Variants in ITGAV observed in about 807,000 individuals in gnomAD.
ITGAV encodes integrin subunit alpha V.
In ITGAV, 76 loss-of-function variants were observed where a neutral mutation model predicts 143.8. The observed-to-expected ratio is 0.53, with a 90% CI of 0.44 to 0.64. ITGAV has a LOEUF of 0.64. ITGAV is among the 30% of genes least tolerant of loss of function. The probability of loss-of-function intolerance (pLI) is 0.00; values close to 1 mark genes in which losing one functional copy is unlikely to be tolerated. For synonymous variants in ITGAV, 453 were observed against 446.7 expected (o/e 1.01, Z -0.18); for missense variants, 1,193 against 1,274.7 (o/e 0.94, Z 0.98).
At position 186,659,032 on chromosome 2, in the gene ITGAV, T is replaced by G. The variant is rs1325900001; in HGVS notation, c.1720-6T>G. 1 of 1,604,584 alleles carries G rather than the reference T, an allele frequency of 6.2e-7. No homozygotes were observed. The highest frequency in any genetic ancestry group is 1.1e-5 in the South Asian group (1 of 89,998). ...TATCATTAATTCAAAGCGTTTCCATTTCTAGGATGAATCTGAATTTAGAGA... is the reference window on the plus strand; with the variant it reads ...TATCATTAATTCAAAGCGTTTCCATGTCTAGGATGAATCTGAATTTAGAGA... On this transcript the variant is annotated splice_polypyrimidine_tract_variant and splice_region_variant and intron_variant, in intron 17 of 29. Coordinates refer to ENST00000261023, the MANE Select transcript of ITGAV (RefSeq NM_002210.5).
At chr2:186,644,407 C>T (rs368514332) in intron 12 of ITGAV, among the ~76,000 whole-genome samples, 1 of 151,854 alleles carries the variant, frequency 6.6e-6, no homozygotes, top group East Asian at 1.9e-4. Flanking sequence ...CTCACTGCAA[C>T]CTCCGCCTCC....
rs61765164 is a variant in ITGAV, at chr2:186,634,985, G to A, written c.632-1097G>A. Among the ~76,000 whole-genome samples, 1,469 of 151,642 alleles carry A rather than the reference G, an allele frequency of 9.7e-3. 23 individuals are homozygous for A. The highest frequency in any genetic ancestry group is 0.034 in the African/African-American group (1,387 of 41,072). On this transcript the variant is annotated intron_variant, in intron 6 of 29. Transcript: ENST00000261023. ...TTTTAAGAGATACAGCTGTGAAAAT[G>A]TATGACCTTTTTTTTTAATGCCATG...
chr2:186,659,169 T>A lies in ITGAV; in HGVS notation c.1851T>A (p.Ser617Arg), dbSNP rs1559063831. The change falls in exon 18 of 30, where the codon AGT becomes AGA. Residue 617 changes from serine to arginine, a missense_variant. Ser to Arg is a moderately radical substitution (Grantham distance 110). Coordinates refer to ENST00000261023, the MANE Select transcript of ITGAV (RefSeq NM_002210.5). ...ACCAGTTCACGCCTGCTAACATTAG[T>A]CGACAGGTACTGTACTCAGTTTACC... ...ILNQFTPANI[S>R]RQAHILLDCG... 1 of 1,605,854 alleles carries A rather than the reference T, an allele frequency of 6.2e-7. No individual in the cohort carries two copies. Among genetic ancestry groups the A allele is most frequent in the Non-Finnish European group, 8.5e-7 (1 of 1,176,048 alleles).
chr2:186,676,860 G>T lies in ITGAV; in HGVS notation c.2976G>T (p.Val992=), dbSNP rs1689225123. The T allele has an allele frequency of 1.2e-6, 2 of 1,614,000 alleles. No homozygotes were observed. Among genetic ancestry groups the T allele is most frequent in the South Asian group, 2.2e-5 (2 of 91,080 alleles). Residue 992 remains valine (V), a synonymous_variant, in exon 29 of 30, where the codon GTG becomes GTT. Coordinates refer to ENST00000261023, the MANE Select transcript of ITGAV (RefSeq NM_002210.5). ...TWGIQPAPMP[V]PVWVIILAVL... is the part of the protein sequence containing the mutation. ...GCATTCAGCCAGCGCCCATGCCTGT[G>T]CCTGTGTGGGTGATCATTTTAGCAG...
At chr2:186,675,523 A>T (rs76119731) in intron 26 of ITGAV, 81 bp from the exon 27 acceptor site, 1 of 997,082 alleles carries the variant, frequency 1.0e-6, no homozygotes, top group Middle Eastern at 2.1e-4. Context: ...TCACACAAAA[A>T]GAAAAAAAAT....
chr2:186,608,094 G>A (rs1687118344), intron 2 of ITGAV, among the ~76,000 whole-genome samples: 1 of 152,134 alleles, frequency 6.6e-6, no homozygotes, highest in African/African-American at 2.4e-5. Context: ...CACCTGGCGG[G>A]GCAAAGAGAA....
chr2:186,605,425 G>T (rs556381777), intron 2 of ITGAV, among the ~76,000 whole-genome samples: 1 of 152,276 alleles, frequency 6.6e-6, no homozygotes, highest in South Asian at 2.1e-4. Context: ...TATCTTCTCA[G>T]TGATGACCAT....
At chr2:186,651,504 A>G (rs1001139041) in intron 14 of ITGAV, among the ~76,000 whole-genome samples, 5 of 152,232 alleles carry the variant, frequency 3.3e-5, no homozygotes, top group African/African-American at 1.2e-4. Flanking sequence ...CTTCTATTAG[A>G]AATATTCTAT....
At chr2:186,614,782 A>T (rs114134980) in intron 2 of ITGAV, among the ~76,000 whole-genome samples, 67 of 151,878 alleles carry the variant, frequency 4.4e-4, no homozygotes, top group African/African-American at 1.6e-3. Context: ...GTCATTTTTT[A>T]TATATATATA....
At chr2:186,635,207 A>G (rs1687917894) in intron 6 of ITGAV, among the ~76,000 whole-genome samples, 1 of 152,206 alleles carries the variant, frequency 6.6e-6, no homozygotes, top group Non-Finnish European at 1.5e-5. Context: ...AGCAGATGTC[A>G]CCCTGGATAA....
At chr2:186,644,726 C>G (rs75915882) in intron 12 of ITGAV, among the ~76,000 whole-genome samples, 2 of 151,858 alleles carry the variant, frequency 1.3e-5, no homozygotes. Flanking sequence ...TTACTGCAGG[C>G]CAGGCACTCT....
intron 26 of ITGAV, among the ~76,000 whole-genome samples, chr2:186,671,021 C>A (rs1689047053): frequency 1.3e-5 from 2 of 152,150 alleles, no homozygotes; most frequent in African/African-American, 4.8e-5. Context: ...CAAATTGCAT[C>A]AGTATTTTCT....
Position 186,594,441 on chromosome 2 carries a change from GT to G in ITGAV, c.185+3922del, listed in dbSNP as rs554088882. The stretch of plus-strand genomic sequence containing the variant: ...CTCCTAGAAATTCTTCCTTTTTAAG[GT>G]TTTCTTGATTCCATCTCTGCTTTCT... On this transcript the variant is annotated intron_variant, in intron 1 of 29. Transcript: ENST00000261023. 2.8e-4 allele frequency among the ~76,000 whole-genome samples: 43 copies of G among 152,126 alleles called. No individual in the cohort carries two copies. In the East Asian group the frequency reaches 6.2e-3, roughly 22 times the overall value.
intron 9 of ITGAV, 29 bp from the exon 10 acceptor site, chr2:186,638,380 T>C (rs1290167866): frequency 1.9e-6 from 3 of 1,606,658 alleles, no homozygotes; most frequent in Non-Finnish European, 1.7e-6. Context: ...TTTTACCAGA[T>C]TTCACATACT....
At chr2:186,652,152 TTGAA>T in intron 15 of ITGAV, 63 bp downstream of exon 15, 1 of 1,038,780 alleles carries the variant, frequency 9.6e-7, no homozygotes, top group Non-Finnish European at 1.5e-6. Context: ...GTAAGAACAA[TTGAA>T]AATGAAGGTG....
At position 186,656,345 on chromosome 2, in the gene ITGAV, A is replaced by G. The variant is rs200277128; in HGVS notation, c.1663A>G (p.Met555Val). The change falls in exon 17 of 30, where the codon ATG (methionine) becomes GTG (valine). Residue 555 changes from methionine (M) to valine (V), a missense_variant. Met to Val is a conservative substitution (Grantham distance 21, BLOSUM62 1). Coordinates refer to ENST00000261023, the MANE Select transcript of ITGAV (RefSeq NM_002210.5). ...CAGGTCCCCAAGTCACTCCAAGAAC[A>G]TGACTATTTCAAGGGGGGGACTGAT... ...YSRSPSHSKN[M>V]TISRGGLMQC... is the part of the protein sequence containing the mutation. 9 of 1,564,636 alleles carry G rather than the reference A, an allele frequency of 5.8e-6. No individual in the cohort carries two copies. The South Asian group carries it at 6.1e-5, about 11-fold the overall frequency.
intron 18 of ITGAV, among the ~76,000 whole-genome samples, chr2:186,659,545 T>A (rs1316376240): frequency 6.6e-6 from 1 of 151,968 alleles, no homozygotes; most frequent in Non-Finnish European, 1.5e-5. Context: ...AAAGTGCATA[T>A]ATAGTAAATA....
chr2:186,638,174 A>G (rs547573471), intron 8 of ITGAV, 103 bp from the exon 9 acceptor site: 11 of 919,504 alleles, frequency 1.2e-5, no homozygotes, highest in Non-Finnish European at 1.9e-5. Context: ...TTTGTTTTGA[A>G]CTGAAGTAGT....
intron 21 of ITGAV, among the ~76,000 whole-genome samples, chr2:186,665,651 G>A (rs958511902): frequency 6.6e-6 from 1 of 152,202 alleles, no homozygotes; most frequent in Admixed American, 6.5e-5. Context: ...CCCTTCAGAT[G>A]GTGGAGCAGG....
Sources: gnomAD v4.1 joint callset for allele counts (sites outside exome capture counted in the v4.1 genomes callset) on GRCh38, gnomAD v4.1.1 for gene constraint, MANE v1.5 for transcripts, NCBI Gene and HGNC (gene_info 2026-07-23, HGNC 2026-07-21) for gene names.